Variants in PRKCA observed in about 807,000 individuals in gnomAD.
PRKCA encodes the protein protein kinase C alpha type.
In PRKCA, 27 loss-of-function variants were observed where a neutral mutation model predicts 87.0. The ratio of observed to expected loss-of-function variants is 0.31; its 90% CI spans 0.23 to 0.43. The LOEUF (loss-of-function observed/expected upper bound fraction) is 0.43, where lower values mean the gene tolerates loss of function less well. PRKCA is among the 20% of genes least tolerant of loss of function. The pLI is 1.00. For missense variants in PRKCA, 518 were observed against 852.3 expected (o/e 0.61, Z 4.88); for synonymous variants, 329 against 311.1 (o/e 1.06, Z -0.61).
At chr17:66,751,444 T>C (rs1486253061) in intron 13 of PRKCA, among the ~76,000 whole-genome samples, 1 of 152,178 alleles carries the variant, frequency 6.6e-6, no homozygotes, top group Non-Finnish European at 1.5e-5. Context: ...GTATCACTTA[T>C]TGCCCTGTCT....
At chr17:66,613,293 A>G (rs968261825) in intron 3 of PRKCA, among the ~76,000 whole-genome samples, 2 of 152,040 alleles carry the variant, frequency 1.3e-5, no homozygotes. Flanking sequence ...AGGAAGGAAA[A>G]TTAGAGGTTA....
rs575529133 is a variant in PRKCA at position 66,327,365 on chromosome 17, T to G, written c.205+21238T>G. On this transcript the variant is annotated intron_variant, in intron 2 of 16. Coordinates refer to ENST00000413366, the MANE Select transcript of PRKCA (RefSeq NM_002737.3). The stretch of plus-strand genomic sequence containing the variant: ...CTGGATGACAGAGTGAAACTCTGTC[T>G]CAAAAAAAAAAAAAAAAAAAAATTG... Among the ~76,000 whole-genome samples the G allele has an allele frequency of 4.6e-4, 40 of 86,724 alleles. 2 individuals are homozygous for G. In the South Asian group the frequency reaches 0.014, roughly 29 times the overall value. The allele number at this position is 86,724 out of a possible 152,430, so 56.9% of individuals were successfully genotyped here.
intron 3 of PRKCA, among the ~76,000 whole-genome samples, chr17:66,549,141 GTTTTT>G (rs538579897): frequency 7.2e-6 from 1 of 138,584 alleles, no homozygotes; most frequent in Non-Finnish European, 1.6e-5. Flanking sequence ...GTTTATGGCA[GTTTTT>G]TTTTTTTTTT....
chr17:66,321,304 C>T (rs1905643682), intron 2 of PRKCA, among the ~76,000 whole-genome samples: 1 of 152,036 alleles, frequency 6.6e-6, no homozygotes. Flanking sequence ...CTTTATTGCC[C>T]TGAGTCTTTG....
intron 5 of PRKCA, among the ~76,000 whole-genome samples, chr17:66,650,474 A>C (rs1384230482): frequency 6.6e-6 from 1 of 152,172 alleles, no homozygotes. Flanking sequence ...CCAATTTTCA[A>C]TTTAATCTTG....
chr17:66,525,696 C>T (rs1967323601), intron 3 of PRKCA, among the ~76,000 whole-genome samples: 1 of 152,170 alleles, frequency 6.6e-6, no homozygotes, highest in South Asian at 2.1e-4. Context: ...GGGGGACTGA[C>T]ACTTATTTCT....
intron 2 of PRKCA, among the ~76,000 whole-genome samples, chr17:66,477,755 C>T (rs74971034): frequency 0.037 from 5,619 of 152,256 alleles, 142 homozygotes; most frequent in Admixed American, 0.055. Context: ...ACAATTCACC[C>T]ATTTAAAGTG....
intron 3 of PRKCA, among the ~76,000 whole-genome samples, chr17:66,636,309 T>A (rs1382677058): frequency 1.3e-5 from 2 of 152,194 alleles, no homozygotes; most frequent in Non-Finnish European, 2.9e-5. Context: ...GGAAAAGAGT[T>A]TCCATGCTCC....
At chr17:66,764,260 G>A (rs1395203182) in intron 13 of PRKCA, among the ~76,000 whole-genome samples, 1 of 152,158 alleles carries the variant, frequency 6.6e-6, no homozygotes, top group African/African-American at 2.4e-5. Flanking sequence ...TATTGCCAGT[G>A]GCATCTAAAA....
intron 2 of PRKCA, among the ~76,000 whole-genome samples, chr17:66,318,438 G>C (rs1377195142): frequency 6.6e-6 from 1 of 151,588 alleles, no homozygotes; most frequent in Non-Finnish European, 1.5e-5. Context: ...TGTACAACTA[G>C]GCACCATAGC....
intron 3 of PRKCA, among the ~76,000 whole-genome samples, chr17:66,610,715 A>G (rs1970336335): frequency 6.6e-6 from 1 of 152,194 alleles, no homozygotes; most frequent in Non-Finnish European, 1.5e-5. Flanking sequence ...GAACAAGGGA[A>G]GGAAGGGGTT....
intron 2 of PRKCA, among the ~76,000 whole-genome samples, chr17:66,459,712 T>A (rs1319354298): frequency 6.6e-6 from 1 of 152,348 alleles, no homozygotes; most frequent in Middle Eastern, 3.4e-3. Context: ...ACTGTGTTTA[T>A]AGACCCGACT....
At chr17:66,684,141 C>T (rs73328286) in intron 5 of PRKCA, among the ~76,000 whole-genome samples, 2,992 of 152,262 alleles carry the variant, frequency 0.02, 106 homozygotes, top group African/African-American at 0.069. Context: ...CTTACCACTC[C>T]GTAAGCTGTT....
chr17:66,723,736 C>T (rs1973673656), intron 8 of PRKCA, among the ~76,000 whole-genome samples: 1 of 152,134 alleles, frequency 6.6e-6, no homozygotes, highest in Admixed American at 6.5e-5. Context: ...ACCTTCAGTG[C>T]AGTCCAGAGA....
intron 3 of PRKCA, among the ~76,000 whole-genome samples, chr17:66,519,088 A>G (rs574559254): frequency 2.0e-4 from 30 of 152,278 alleles, no homozygotes; most frequent in African/African-American, 6.3e-4. Context: ...AGTGGAGGCA[A>G]TGGGCTCATG....
chr17:66,401,759 A>G (rs1462279925), intron 2 of PRKCA, among the ~76,000 whole-genome samples: 1 of 152,202 alleles, frequency 6.6e-6, no homozygotes, highest in Non-Finnish European at 1.5e-5. Flanking sequence ...CAGAGGGAAC[A>G]TTGAAGATAA....
At chr17:66,367,642 T>C (rs1039485264) in intron 2 of PRKCA, among the ~76,000 whole-genome samples, 15 of 152,198 alleles carry the variant, frequency 9.9e-5, no homozygotes, top group Admixed American at 8.5e-4. Context: ...TCTCTCCTGG[T>C]TAAATGTCTA....
At chr17:66,645,615 C>G in intron 5 of PRKCA, 104 bp downstream of exon 5, 1 of 1,508,368 alleles carries the variant, frequency 6.6e-7, no homozygotes, top group Non-Finnish European at 9.0e-7. Flanking sequence ...CCTGAGGCCT[C>G]TGGAGAGGCA....
intron 2 of PRKCA, among the ~76,000 whole-genome samples, chr17:66,380,175 A>T (rs1421599551): frequency 6.6e-6 from 1 of 152,050 alleles, no homozygotes; most frequent in African/African-American, 2.4e-5. Context: ...CATAAGCAAA[A>T]ATAAGAAAGC....
Sources: allele counts gnomAD v4.1 joint callset (sites outside exome capture counted in the v4.1 genomes callset), GRCh38; gene constraint gnomAD v4.1.1; transcripts MANE v1.5; gene names NCBI Gene and HGNC (gene_info 2026-07-23, HGNC 2026-07-21).